Variants in DPP6 observed in about 807,000 individuals in gnomAD.
DPP6 encodes the protein dipeptidyl peptidase like 6.
DPP6 carries 69 observed loss-of-function variants against 122.6 expected under a neutral mutation model. The observed-to-expected ratio is 0.56, with a 90% CI of 0.46 to 0.69. The LOEUF (loss-of-function observed/expected upper bound fraction) is 0.69. Among genes scored for constraint, DPP6 ranks in the 30% least tolerant of loss-of-function variants. The pLI is 0.00. For synonymous variants in DPP6, 418 were observed against 433.1 expected, an observed-to-expected ratio of 0.97 and a Z score of 0.43; for missense variants, 928 against 1,116.9, an observed-to-expected ratio of 0.83 and a Z score of 2.41.
At chr7:153,939,203 A>G (rs946602766) in intron 1 of DPP6, among the ~76,000 whole-genome samples, 2 of 152,230 alleles carry the variant, frequency 1.3e-5, no homozygotes, top group Non-Finnish European at 2.9e-5. Context: ...CCCATACTTC[A>G]TATACAGTAC....
intron 1 of DPP6, among the ~76,000 whole-genome samples, chr7:154,307,141 T>C (rs1179905645): frequency 6.6e-6 from 1 of 152,196 alleles, no homozygotes; most frequent in Non-Finnish European, 1.5e-5. Flanking sequence ...ATCTGTGTTA[T>C]GTAAAAGAAA....
chr7:154,011,760 A>G (rs1798166178), intron 1 of DPP6, among the ~76,000 whole-genome samples: 1 of 152,192 alleles, frequency 6.6e-6, no homozygotes, highest in South Asian at 2.1e-4. Flanking sequence ...AAATTGCCAA[A>G]TGTATTCTTG....
chr7:154,121,355 T>C (rs1380056005), intron 1 of DPP6, among the ~76,000 whole-genome samples: 1 of 152,192 alleles, frequency 6.6e-6, no homozygotes, highest in African/African-American at 2.4e-5. Flanking sequence ...TAAGGCAGAG[T>C]GTAGGTTGTG....
intron 2 of DPP6, among the ~76,000 whole-genome samples, chr7:154,473,462 C>G (rs1170052985): frequency 1.3e-5 from 2 of 152,152 alleles, no homozygotes; most frequent in Admixed American, 6.5e-5. Flanking sequence ...CACAGTAACC[C>G]TATTTGATAT....
At chr7:154,524,958 C>T (rs1827284495) in intron 3 of DPP6, among the ~76,000 whole-genome samples, 1 of 152,040 alleles carries the variant, frequency 6.6e-6, no homozygotes, top group African/African-American at 2.4e-5. Context: ...TTTCAAGGAT[C>T]CCTGGCTCAT....
intron 7 of DPP6, among the ~76,000 whole-genome samples, chr7:154,713,971 CT>C (rs1297142981): frequency 6.6e-6 from 1 of 152,222 alleles, no homozygotes; most frequent in Non-Finnish European, 1.5e-5. Context: ...TTACAAATTT[CT>C]TCCTCTAGAT....
chr7:154,792,879 C>T (rs911869058), intron 10 of DPP6, among the ~76,000 whole-genome samples: 5 of 152,200 alleles, frequency 3.3e-5, no homozygotes, highest in East Asian at 1.9e-4. Flanking sequence ...CCTGGCCATG[C>T]GCCAGCAGCC....
intron 4 of DPP6, among the ~76,000 whole-genome samples, chr7:154,562,313 C>T (rs1489795705): frequency 6.6e-6 from 1 of 152,008 alleles, no homozygotes; most frequent in African/African-American, 2.4e-5. Context: ...ATGTAATTTA[C>T]CATATTGACA....
chr7:154,819,054 T>C (rs1286355972), intron 16 of DPP6, among the ~76,000 whole-genome samples: 1 of 152,228 alleles, frequency 6.6e-6, no homozygotes, highest in Non-Finnish European at 1.5e-5. Flanking sequence ...ATGCTGAACC[T>C]GGTACGAGTG....
At chr7:153,932,624 A>G (rs1019782407) in intron 1 of DPP6, among the ~76,000 whole-genome samples, 5 of 152,224 alleles carry the variant, frequency 3.3e-5, no homozygotes, top group African/African-American at 9.6e-5. Flanking sequence ...GGCATTGTTC[A>G]TTAAACTTCC....
At chr7:154,641,160 G>C (rs1836063473) in intron 6 of DPP6, among the ~76,000 whole-genome samples, 3 of 152,106 alleles carry the variant, frequency 2.0e-5, no homozygotes, top group Admixed American at 6.5e-5. Context: ...TCTATAGCTG[G>C]GGCCAGGTAG....
chr7:153,834,538 C>T, the DPP6 span, among the ~76,000 whole-genome samples: 9,085 of 152,104 alleles, frequency 0.06, 267 homozygotes, highest in South Asian at 0.089. Flanking sequence ...AAATGAAGAG[C>T]CCAGCAGCAT....
intron 1 of DPP6, among the ~76,000 whole-genome samples, chr7:154,401,893 AT>A (rs1815640744): frequency 2.0e-5 from 3 of 152,272 alleles, no homozygotes; most frequent in African/African-American, 7.2e-5. Flanking sequence ...ACTCAAACAA[AT>A]TTACAAGAAA....
chr7:154,369,658 A>G (rs6958839), intron 1 of DPP6, among the ~76,000 whole-genome samples: 36,103 of 152,060 alleles, frequency 0.24, 8,514 homozygotes, highest in African/African-American at 0.61. Flanking sequence ...GAGCCACCAC[A>G]CCCAGCCTCA....
chr7:153,800,040 C>G, the DPP6 span, among the ~76,000 whole-genome samples: 118 of 152,278 alleles, frequency 7.7e-4, 1 homozygote, highest in African/African-American at 2.7e-3. Flanking sequence ...AAAAATAGAT[C>G]TGTCATATGA....
At chr7:154,128,967 A>G (rs1377163920) in intron 1 of DPP6, among the ~76,000 whole-genome samples, 1 of 152,006 alleles carries the variant, frequency 6.6e-6, no homozygotes, top group East Asian at 1.9e-4. Flanking sequence ...CAGAAAAGGG[A>G]ATGGTGAGTA....
In DPP6 at chr7:154,877,310, C is replaced by T. The variant is rs981325213; in HGVS notation, c.2078+1210C>T. Among the ~76,000 whole-genome samples, 8 of 152,006 alleles carry T rather than the reference C, an allele frequency of 5.3e-5. No homozygotes were observed. Among genetic ancestry groups the T allele is most frequent in the Admixed American group, 6.6e-5 (1 of 15,246 alleles). ...CGTGTTGCAGCTGGGAAATACGGAG[C>T]GGGAGAGCTCTCAGGACTCAGATAC... is the stretch of plus-strand genomic sequence containing the variant. On this transcript the variant is annotated intron_variant, in intron 20 of 25. Coordinates refer to ENST00000377770, the MANE Select transcript of DPP6 (RefSeq NM_130797.4). This position sits in a 1 kb window ranked among gnomAD's most constrained non-coding sequence, Gnocchi z 5.2.
At position 154,870,514 on chromosome 7, in the gene DPP6, G is replaced by A. The variant is rs143315489; in HGVS notation, c.1814-2110G>A. On this transcript the variant is annotated intron_variant, in intron 18 of 25. Transcript: ENST00000377770. ...CCAGTTACTTGGGAGGCTGAGGCAC[G>A]AGAATCACTTGAACCTAGAAGGCAG... Among the ~76,000 whole-genome samples, 934 of 152,226 alleles carry A rather than the reference G, an allele frequency of 6.1e-3. 6 individuals are homozygous for A. The highest frequency in any genetic ancestry group is 0.012 in the African/African-American group (505 of 41,544).
At chr7:154,322,174 C>T (rs1311800284) in intron 1 of DPP6, among the ~76,000 whole-genome samples, 1 of 152,086 alleles carries the variant, frequency 6.6e-6, no homozygotes, top group Admixed American at 6.5e-5. Flanking sequence ...ATGTGTCCAC[C>T]TCTAGAGCAG....
Sources: gnomAD v4.1 joint callset for allele counts (sites outside exome capture counted in the v4.1 genomes callset) on GRCh38, gnomAD v4.1.1 for gene constraint, Gnocchi (gnomAD v3.1) non-coding constraint, MANE v1.5 for transcripts, NCBI Gene and HGNC (gene_info 2026-07-23, HGNC 2026-07-21) for gene names.